Variants in SUSD4 observed in about 807,000 individuals in gnomAD.
The protein encoded by SUSD4 is sushi domain containing 4.
SUSD4 carries 41 observed loss-of-function variants against 50.5 expected under a neutral mutation model. That is an observed-to-expected ratio of 0.81 (90% CI 0.63 to 1.05). SUSD4 has a LOEUF of 1.05. Ranked by LOEUF, SUSD4 falls within the 50% of genes least tolerant of loss-of-function variation. SUSD4 has a pLI of 0.00. For missense variants in SUSD4, 580 were observed against 634.7 expected, an observed-to-expected ratio of 0.91 and a Z score of 0.93; for synonymous variants, 257 against 257.3, an observed-to-expected ratio of 1.00 and a Z score of 0.01.
At chr1:223,268,048 C>T (rs112611345) in intron 4 of SUSD4, among the ~76,000 whole-genome samples, 8,191 of 33,018 alleles carry the variant, frequency 0.25, 598 homozygotes, top group African/African-American at 0.3. Context: ...TATATACACA[C>T]ACACTGTTAA....
At chr1:223,320,666 C>A (rs1666521919) in intron 2 of SUSD4, among the ~76,000 whole-genome samples, 2 of 152,106 alleles carry the variant, frequency 1.3e-5, no homozygotes, top group African/African-American at 4.8e-5. Context: ...GGATCCAGTA[C>A]CCTGCAGCTC....
chr1:223,307,422 T>C (rs1257703939), intron 2 of SUSD4, among the ~76,000 whole-genome samples: 3 of 152,206 alleles, frequency 2.0e-5, no homozygotes, highest in African/African-American at 4.8e-5. Context: ...TCAATGACAG[T>C]TTGATAGGAT....
intron 5 of SUSD4, among the ~76,000 whole-genome samples, chr1:223,251,486 G>A (rs190765390): frequency 1.1e-3 from 165 of 152,246 alleles, no homozygotes; most frequent in Non-Finnish European, 1.6e-3. Context: ...CTCCAACACC[G>A]GGAATCAAAT....
At chr1:223,253,761 C>G (rs1293304026) in intron 5 of SUSD4, among the ~76,000 whole-genome samples, 1 of 152,254 alleles carries the variant, frequency 6.6e-6, no homozygotes, top group Non-Finnish European at 1.5e-5. Flanking sequence ...CTGCCTGGAG[C>G]AGGGATAGAG....
intron 3 of SUSD4, among the ~76,000 whole-genome samples, chr1:223,274,751 G>C (rs529083933): frequency 6.6e-6 from 1 of 152,254 alleles, no homozygotes; most frequent in South Asian, 2.1e-4. Flanking sequence ...CACTTGGAGG[G>C]ACTGAGACTG....
chr1:223,357,580 G>A (rs147909372), intron 2 of SUSD4, among the ~76,000 whole-genome samples: 2 of 152,260 alleles, frequency 1.3e-5, no homozygotes, highest in East Asian at 3.9e-4. Context: ...ATACAGTTGT[G>A]AGGAATTAAA....
intron 4 of SUSD4, among the ~76,000 whole-genome samples, chr1:223,267,361 G>C (rs1332021670): frequency 6.6e-6 from 1 of 152,200 alleles, no homozygotes; most frequent in African/African-American, 2.4e-5. Context: ...CTGCAGTCCG[G>C]GGTTGTTTTC....
intron 2 of SUSD4, among the ~76,000 whole-genome samples, chr1:223,328,036 G>C (rs1326596371): frequency 6.6e-6 from 1 of 151,708 alleles, no homozygotes; most frequent in Non-Finnish European, 1.5e-5. Context: ...CCATACTCAA[G>C]AGTGGAGAAA....
At chr1:223,343,064 C>G (rs962522075) in intron 2 of SUSD4, among the ~76,000 whole-genome samples, 1 of 152,046 alleles carries the variant, frequency 6.6e-6, no homozygotes, top group African/African-American at 2.4e-5. Context: ...ACACAAATAG[C>G]CAATAAAAAG....
intron 3 of SUSD4, among the ~76,000 whole-genome samples, chr1:223,278,945 C>A (rs1663485789): frequency 6.6e-6 from 1 of 152,184 alleles, no homozygotes; most frequent in Admixed American, 6.5e-5. Context: ...CTGCTGATAC[C>A]CAGGCAAACA....
intron 3 of SUSD4, among the ~76,000 whole-genome samples, chr1:223,278,409 G>A (rs996240600): frequency 3.3e-5 from 5 of 152,198 alleles, no homozygotes; most frequent in South Asian, 2.1e-4. Flanking sequence ...GGCACACCAG[G>A]AGATTATATC....
At chr1:223,256,373 C>G (rs1661693164) in intron 5 of SUSD4, among the ~76,000 whole-genome samples, 1 of 152,142 alleles carries the variant, frequency 6.6e-6, no homozygotes, top group Non-Finnish European at 1.5e-5. Flanking sequence ...TGTGACCAGG[C>G]CTGCTTCCTA....
chr1:223,227,404 G>GGAAA lies in SUSD4; in HGVS notation c.1061+186_1061+189dup, dbSNP rs1361538847. Among the ~76,000 whole-genome samples, 1 of 152,168 alleles carries GGAAA rather than the reference G, an allele frequency of 6.6e-6. No individual in the cohort carries two copies. The highest frequency in any genetic ancestry group is 2.4e-5 in the African/African-American group (1 of 41,438). On this transcript the variant is annotated intron_variant, in intron 7 of 8. Coordinates refer to ENST00000366878, the MANE Select transcript of SUSD4 (RefSeq NM_017982.4). This position sits in a 1 kb window ranked among gnomAD's most constrained non-coding sequence, Gnocchi z 4.5. The stretch of plus-strand genomic sequence containing the variant: ...ACTGCAGGAAGGAGGGAGAGAGGTA[G>GGAAA]GAAAGAAAGAAAGAGGAAAATGAGG...
intron 2 of SUSD4, among the ~76,000 whole-genome samples, chr1:223,340,824 C>T (rs1667714692): frequency 6.6e-6 from 1 of 152,192 alleles, no homozygotes; most frequent in Non-Finnish European, 1.5e-5. Context: ...CCCGGAGGAA[C>T]ATCTCTTAAA....
intron 2 of SUSD4, among the ~76,000 whole-genome samples, chr1:223,294,433 C>A (rs1025512209): frequency 6.6e-6 from 1 of 152,204 alleles, no homozygotes; most frequent in Non-Finnish European, 1.5e-5. Flanking sequence ...CAGGTGAATT[C>A]CCCCACCCCA....
intron 5 of SUSD4, among the ~76,000 whole-genome samples, chr1:223,243,236 G>A (rs773811942): frequency 1.3e-5 from 2 of 152,208 alleles, no homozygotes; most frequent in East Asian, 1.9e-4. Context: ...GGAGGCCTGC[G>A]ATGCACATCT....
chr1:223,239,777 T>C (rs1571859989), intron 5 of SUSD4, among the ~76,000 whole-genome samples: 1 of 145,368 alleles, frequency 6.9e-6, no homozygotes, highest in African/African-American at 2.8e-5. Flanking sequence ...TTACTATTGT[T>C]TTGATATTAT....
At chr1:223,265,045 G>A (rs916411406) in intron 4 of SUSD4, among the ~76,000 whole-genome samples, 1 of 152,248 alleles carries the variant, frequency 6.6e-6, no homozygotes, top group Non-Finnish European at 1.5e-5. Context: ...AGGGTCAGAG[G>A]AGTAGTTAAG....
chr1:223,303,754 G>T (rs1665337934), intron 2 of SUSD4, among the ~76,000 whole-genome samples: 1 of 152,132 alleles, frequency 6.6e-6, no homozygotes, highest in Non-Finnish European at 1.5e-5. Flanking sequence ...GTTAGTGAGG[G>T]ATTTAGGGTC....
Sources: gnomAD v4.1 joint callset for allele counts (sites outside exome capture counted in the v4.1 genomes callset) on GRCh38, gnomAD v4.1.1 for gene constraint, Gnocchi (gnomAD v3.1) non-coding constraint, MANE v1.5 for transcripts, NCBI Gene and HGNC (gene_info 2026-07-23, HGNC 2026-07-21) for gene names.